Variants in CACNA1B observed in about 807,000 individuals in gnomAD.
CACNA1B encodes calcium voltage-gated channel subunit alpha1 B.
CACNA1B carries 70 observed loss-of-function variants against 247.2 expected under a neutral mutation model. That is an observed-to-expected ratio of 0.28 (90% CI 0.23 to 0.35). CACNA1B has a LOEUF of 0.35. CACNA1B is among the 10% of genes least tolerant of loss of function. CACNA1B has a pLI of 1.00. For missense variants in CACNA1B, 2,367 were observed against 3,197.4 expected, an observed-to-expected ratio of 0.74 and a Z score of 6.26; for synonymous variants, 1,231 against 1,294.4, an observed-to-expected ratio of 0.95 and a Z score of 1.05.
In CACNA1B at chr9:138,120,765, C is replaced by G. The variant is rs1962061427; in HGVS notation, c.6373C>G (p.Gln2125Glu). The change falls in exon 46 of 47, where the codon CAG (glutamine) becomes GAG (glutamate). Residue 2125 changes from glutamine (Q) to glutamate (E), a missense_variant. Gln to Glu is a conservative substitution (Grantham distance 29). This residue lies in a region of CACNA1B where 773 missense variants were observed against 779.4 expected (regional missense o/e 0.99). Transcript: ENST00000371372. ...GCCCTCATCCTCCTCCTCGGAGAAG[C>G]AGCGCTTCTACTCCTGCGACCGCTT... is the stretch of plus-strand genomic sequence containing the variant. ...RQPSSSSSEK[Q>E]RFYSCDRFGG... The G allele has an allele frequency of 6.4e-7, 1 of 1,550,802 alleles. No individual in the cohort carries two copies. The highest frequency in any genetic ancestry group is 8.7e-7 in the Non-Finnish European group (1 of 1,147,900).
At chr9:138,039,163 TC>T (rs1445946894) in intron 20 of CACNA1B, among the ~76,000 whole-genome samples, 1 of 151,068 alleles carries the variant, frequency 6.6e-6, no homozygotes, top group East Asian at 1.9e-4. Flanking sequence ...GCCACTGCAC[TC>T]CAGCCTGGGC....
At chr9:138,117,286 G>GT (rs1961902751) in intron 42 of CACNA1B, among the ~76,000 whole-genome samples, 1 of 43,702 alleles carries the variant, frequency 2.3e-5, no homozygotes, top group African/African-American at 6.5e-5. Flanking sequence ...TTGTGGCTTG[G>GT]GGGGGGGGTC....
intron 31 of CACNA1B, among the ~76,000 whole-genome samples, chr9:138,066,869 GAAGAA>G (rs1288500652): frequency 6.6e-6 from 1 of 152,050 alleles, no homozygotes; most frequent in Non-Finnish European, 1.5e-5. Flanking sequence ...CAATAAAGTA[GAAGAA>G]AAGTATAAGA....
rs753765112 is a variant in CACNA1B, at chr9:138,074,024, C to T, written c.4815C>T (p.Leu1605=). Residue 1605 remains leucine, a synonymous_variant, in exon 34 of 47, where the codon CTC becomes CTT. Transcript: ENST00000371372. The part of the protein sequence containing the change: ...SFKALPYVCL[L]IAMLFFIYAI... ...AGGCCCTGCCCTACGTGTGTCTGCT[C>T]ATTGCCATGCTGTTCTTCATCTACG... 2 of 1,612,628 alleles carry T rather than the reference C, an allele frequency of 1.2e-6. No individual in the cohort carries two copies. The highest frequency in any genetic ancestry group is 2.7e-5 in the African/African-American group (2 of 75,054).
At chr9:138,104,051 C>A (rs1231919119) in intron 38 of CACNA1B, among the ~76,000 whole-genome samples, 1 of 152,232 alleles carries the variant, frequency 6.6e-6, no homozygotes, top group Non-Finnish European at 1.5e-5. Context: ...ATGGAGCAGC[C>A]TTTGGAGCCC....
chr9:138,079,459 TG>T (rs1171026996), intron 36 of CACNA1B, among the ~76,000 whole-genome samples: 1 of 152,016 alleles, frequency 6.6e-6, no homozygotes, highest in East Asian at 1.9e-4. Context: ...AATTGTTAAC[TG>T]GGCCGGGCGT....
intron 20 of CACNA1B, among the ~76,000 whole-genome samples, chr9:138,031,941 ACT>A (rs1380853583): frequency 3.3e-5 from 5 of 151,304 alleles, no homozygotes; most frequent in Non-Finnish European, 5.9e-5. Flanking sequence ...TTTTCAATCC[ACT>A]CTGTCAATTC....
rs554792886 is a variant in CACNA1B, at chr9:138,077,054, A to G, written c.4950-1060A>G. ...AAGGCAAACCTATGAAGTCAGCCTT[A>G]GTTTTGAGGCCTTTGGTCTCACAGC... On this transcript the variant is annotated intron_variant, in intron 35 of 46. Coordinates refer to ENST00000371372, the MANE Select transcript of CACNA1B (RefSeq NM_000718.4). Among the ~76,000 whole-genome samples, 9 of 152,324 alleles carry G rather than the reference A, an allele frequency of 5.9e-5. No individual in the cohort carries two copies. In the East Asian group the frequency reaches 1.2e-3, roughly 20 times the overall value.
At chr9:137,898,971 T>C (rs1302759616) in intron 3 of CACNA1B, among the ~76,000 whole-genome samples, 1 of 152,088 alleles carries the variant, frequency 6.6e-6, no homozygotes, top group Admixed American at 6.6e-5. Flanking sequence ...GGAGTCTAAC[T>C]ATGTTGCCCA....
At chr9:137,923,321 C>T (rs1421839820) in intron 6 of CACNA1B, among the ~76,000 whole-genome samples, 40 of 66,612 alleles carry the variant, frequency 6.0e-4, no homozygotes, top group Admixed American at 1.4e-3. Flanking sequence ...TATTCCGTGG[C>T]TCCAGGTGGT....
rs569978200 is a variant in CACNA1B at position 138,114,800 on chromosome 9, A to T, written c.5649+310A>T. 1.3e-3 allele frequency among the ~76,000 whole-genome samples: 203 copies of T among 152,214 alleles called. 2 individuals are homozygous for T. The Middle Eastern group carries it at 0.017, about 13-fold the overall frequency. ...GGGTGGAAGAGAAGAAGATGTGAAG[A>T]CCATTTGAGGAGGATTGTTTGGAGA... On this transcript the variant is annotated intron_variant, in intron 41 of 46. Transcript: ENST00000371372.
At chr9:138,043,983 A>G in intron 21 of CACNA1B, 83 bp downstream of exon 21, 12 of 1,523,010 alleles carry the variant, frequency 7.9e-6, no homozygotes, top group East Asian at 2.3e-5. Context: ...GCCAGCGTGC[A>G]CTGATTCTGC....
At position 138,064,136 on chromosome 9, in the gene CACNA1B, A is replaced by G. The variant is rs367706563; in HGVS notation, c.4668+4399A>G. On this transcript the variant is annotated intron_variant, in intron 31 of 46. Transcript: ENST00000371372. ...ATCTCATTTTAGTTCCTTGGTATCA[A>G]TGTTATCTTGGACCTTGTATCCAAC... Among the ~76,000 whole-genome samples the G allele has an allele frequency of 4.6e-5, 7 of 152,286 alleles. No individual in the cohort carries two copies. The East Asian group carries it at 7.7e-4, about 17-fold the overall frequency.
intron 20 of CACNA1B, among the ~76,000 whole-genome samples, chr9:138,041,631 A>G (rs1255007308): frequency 6.6e-6 from 1 of 152,124 alleles, no homozygotes; most frequent in Non-Finnish European, 1.5e-5. Flanking sequence ...TCCATGTTGT[A>G]GTAAATCGAT....
rs373615051 is a variant in CACNA1B at position 138,047,411 on chromosome 9, C to T, written c.3556C>T (p.Leu1186=). ...DSPRNNALKY[L]DYIFTGVFTF... is the part of the protein sequence containing the mutation. ...CTTTTGGTTTCAGGCTCTGAAATAC[C>T]TGGATTACATTTTCACTGGTGTCTT... The change falls in exon 23 of 47, where the codon CTG becomes TTG. Residue 1186 remains leucine, a synonymous_variant. Transcript: ENST00000371372. 8.7e-6 allele frequency: 14 copies of T among 1,611,232 alleles called. No individual in the cohort carries two copies. The highest frequency in any genetic ancestry group is 1.3e-5 in the African/African-American group (1 of 74,864).
chr9:138,031,887 A>G (rs1196094271), intron 20 of CACNA1B, among the ~76,000 whole-genome samples: 1 of 152,078 alleles, frequency 6.6e-6, no homozygotes, highest in Non-Finnish European at 1.5e-5. Context: ...CAACCTAACT[A>G]TATAGTTATA....
At chr9:137,958,380 AC>A (rs1453540136) in intron 10 of CACNA1B, among the ~76,000 whole-genome samples, 1 of 152,164 alleles carries the variant, frequency 6.6e-6, no homozygotes, top group South Asian at 2.1e-4. Flanking sequence ...ATACATCCAC[AC>A]ACAAATATGC....
At chr9:138,048,876 C>G (rs1959207007) in intron 23 of CACNA1B, among the ~76,000 whole-genome samples, 1 of 152,184 alleles carries the variant, frequency 6.6e-6, no homozygotes, top group South Asian at 2.1e-4. Context: ...CAACACCACA[C>G]CCGGCTAATT....
intron 3 of CACNA1B, among the ~76,000 whole-genome samples, chr9:137,894,957 G>A (rs1050030501): frequency 1.3e-5 from 2 of 152,244 alleles, no homozygotes; most frequent in Non-Finnish European, 1.5e-5. Context: ...GCCCTAGAGC[G>A]TGAAGATTTT....
Sources: gnomAD v4.1 joint callset for allele counts (sites outside exome capture counted in the v4.1 genomes callset) on GRCh38, gnomAD v4.1.1 for gene constraint, gnomAD v4.1.1 regional missense constraint, MANE v1.5 for transcripts, NCBI Gene and HGNC (gene_info 2026-07-23, HGNC 2026-07-21) for gene names.